Variants in GFI1B observed in about 807,000 individuals in gnomAD.
GFI1B encodes the protein growth factor independent 1B transcriptional repressor.
GFI1B carries 20 observed loss-of-function variants against 35.3 expected under a neutral mutation model. That is an observed-to-expected ratio of 0.57 (90% CI 0.40 to 0.82). The LOEUF (loss-of-function observed/expected upper bound fraction) is 0.82, where lower values mean the gene tolerates loss of function less well. Ranked by LOEUF, GFI1B falls within the 40% of genes least tolerant of loss-of-function variation. The probability of loss-of-function intolerance (pLI) is 0.00; values close to 1 mark genes in which losing one functional copy is unlikely to be tolerated. For synonymous variants in GFI1B, 178 were observed against 177.6 expected, an observed-to-expected ratio of 1.00 and a Z score of -0.02; for missense variants, 430 against 446.3, an observed-to-expected ratio of 0.96 and a Z score of 0.33.
chr9:132,987,479 G>A (rs1390169810), intron 3 of GFI1B, 60 bp downstream of exon 3: 3 of 1,600,476 alleles, frequency 1.9e-6, no homozygotes, highest in Non-Finnish European at 2.6e-6. Flanking sequence ...AAGGATGAAG[G>A]GACTCTTGCA....
intron 1 of GFI1B, chr9:132,952,756 T>G (rs902856010): frequency 6.6e-6 from 1 of 152,274 alleles, no homozygotes; most frequent in Non-Finnish European, 1.5e-5. Flanking sequence ...ATAAATTTTC[T>G]ACAGTAGGTA....
At position 132,989,248 on chromosome 9, in the gene GFI1B, C is replaced by A. The variant is rs762456586; in HGVS notation, c.648+50C>A. ...CTCCCAGCCCCACTCCTTCTCTGTGCTTCCCCAGGGAGCCTGGGGGCTGTG... is the reference window on the plus strand; with the variant it reads ...CTCCCAGCCCCACTCCTTCTCTGTGATTCCCCAGGGAGCCTGGGGGCTGTG... On this transcript the variant is annotated intron_variant, in intron 5 of 6. Coordinates refer to ENST00000372122, the MANE Select transcript of GFI1B (RefSeq NM_001377304.1). The surrounding 1 kb of genome is among the most constrained non-coding windows in gnomAD (Gnocchi z 6.2). The A allele has an allele frequency of 2.5e-6, 4 of 1,574,564 alleles. No homozygotes were observed. The highest frequency in any genetic ancestry group is 2.7e-5 in the African/African-American group (2 of 74,280).
intron 1 of GFI1B, among the ~76,000 whole-genome samples, chr9:132,967,059 C>T (rs1241625292): frequency 1.3e-5 from 2 of 152,130 alleles, no homozygotes; most frequent in African/African-American, 4.8e-5. Flanking sequence ...CGGTCATGCC[C>T]TCATCAGTAG....
intron 1 of GFI1B, among the ~76,000 whole-genome samples, chr9:132,981,111 G>T (rs1199238022): frequency 2.0e-5 from 3 of 152,188 alleles, no homozygotes; most frequent in Non-Finnish European, 4.4e-5. Context: ...GGCCAGGCTT[G>T]TCTTGGAACT....
rs548716070 is a variant in GFI1B, at chr9:132,958,438, G to A, written c.-701+12769G>A. Among the ~76,000 whole-genome samples, 35 of 152,296 alleles carry A rather than the reference G, an allele frequency of 2.3e-4. No individual in the cohort carries two copies. In the South Asian group the frequency reaches 6.6e-3, roughly 29 times the overall value. On this transcript the variant is annotated intron_variant, in intron 1 of 10. Coordinates refer to the GFI1B transcript ENST00000339463. ...TTCCAATCATGGCGGAAGGCAAATG[G>A]AAAGCAGGCACGTCACATAGAGAAA...
chr9:132,988,084 G>C (rs1849141751), intron 3 of GFI1B, 113 bp from the exon 4 acceptor site: 2 of 921,222 alleles, frequency 2.2e-6, no homozygotes, highest in East Asian at 4.8e-5. Context: ...GACCTCAAGT[G>C]ACCCACTTGC....
Position 132,989,686 on chromosome 9 carries a change from C to G in GFI1B, c.649-56C>G. ...TGTCCTGTTCCGCAGGGGATCCCGG[C>G]CGGGTCCAGTCCTGAGCCTGCACCT... On this transcript the variant is annotated intron_variant, in intron 5 of 6. Coordinates refer to ENST00000372122, the MANE Select transcript of GFI1B (RefSeq NM_001377304.1). This position sits in a 1 kb window ranked among gnomAD's most constrained non-coding sequence, Gnocchi z 6.2. 6.8e-7 allele frequency: 1 copy of G among 1,474,208 alleles called. No homozygotes were observed. Among genetic ancestry groups the G allele is most frequent in the Non-Finnish European group, 9.4e-7 (1 of 1,059,388 alleles). 91.3% of individuals were successfully genotyped at this position (1,474,208 alleles called of 1,614,324 possible). A position where few individuals can be genotyped will look rare whatever the true frequency, so the allele number is the denominator to read the frequency against.
At chr9:132,965,535 T>A (rs1848438414) in intron 1 of GFI1B, among the ~76,000 whole-genome samples, 1 of 152,254 alleles carries the variant, frequency 6.6e-6, no homozygotes, top group Non-Finnish European at 1.5e-5. Flanking sequence ...GATCTCAAAA[T>A]GAGACCATCT....
chr9:132,962,067 TACAC>T lies in GFI1B; in HGVS notation c.-700-10636_-700-10633del, dbSNP rs145131246. 2.0e-3 allele frequency among the ~76,000 whole-genome samples: 283 copies of T among 143,990 alleles called. 1 individual carries two copies. Among genetic ancestry groups the T allele is most frequent in the African/African-American group, 5.9e-3 (229 of 38,798 alleles). 94.5% of individuals were successfully genotyped at this position (143,990 alleles called of 152,430 possible). On this transcript the variant is annotated intron_variant, in intron 1 of 10. Transcript: ENST00000339463. ...GCATCTTCCCTACACACCTACACTC[TACAC>T]ACACACACACACACACACACAACCC...
intron 1 of GFI1B, among the ~76,000 whole-genome samples, chr9:132,965,976 A>G (rs187938014): frequency 3.7e-4 from 57 of 152,364 alleles, no homozygotes; most frequent in Admixed American, 2.9e-3. Flanking sequence ...TTTCCTACAC[A>G]TGTATCCTGG....
At chr9:132,967,074 A>C (rs1197482251) in intron 1 of GFI1B, among the ~76,000 whole-genome samples, 1 of 152,134 alleles carries the variant, frequency 6.6e-6, no homozygotes, top group Non-Finnish European at 1.5e-5. Flanking sequence ...CAGTAGATTA[A>C]TGCTGTTACC....
chr9:132,992,807 G>A (rs1045424005), downstream of GFI1B, among the ~76,000 whole-genome samples: 5 of 152,064 alleles, frequency 3.3e-5, no homozygotes, highest in African/African-American at 7.2e-5. Context: ...AGCTCCAGCC[G>A]CACCCCACCC....
chr9:132,985,829 T>A (rs534319858), intron 1 of GFI1B, among the ~76,000 whole-genome samples: 28 of 152,252 alleles, frequency 1.8e-4, no homozygotes, highest in African/African-American at 6.5e-4. Context: ...AACCACTGAT[T>A]CCAAAACCTA....
rs1032563679 is a variant in GFI1B, at chr9:132,989,319, G to A, written c.648+121G>A. The A allele has an allele frequency of 5.0e-6, 5 of 996,278 alleles. No individual in the cohort carries two copies. The highest frequency in any genetic ancestry group is 1.6e-5 in the African/African-American group (1 of 63,116). 61.7% of individuals were successfully genotyped at this position (996,278 alleles called of 1,614,324 possible). ...CCTGGGGGTGACACAGATTGGGAGG[G>A]GTCCCCTAGTACCCACCTCCCTGGG... On this transcript the variant is annotated intron_variant, in intron 5 of 6. Transcript: ENST00000372122. The surrounding 1 kb of genome is among the most constrained non-coding windows in gnomAD (Gnocchi z 6.2).
chr9:132,989,101 G>A lies in GFI1B; in HGVS notation c.551G>A (p.Arg184His), dbSNP rs570058270. The A allele has an allele frequency of 7.0e-5, 113 of 1,613,896 alleles. No homozygotes were observed. Among genetic ancestry groups the A allele is most frequent in the South Asian group, 3.8e-4 (35 of 91,080 alleles). Residue 184 changes from arginine (R) to histidine (H), a missense_variant, in exon 5 of 7, where the codon CGC (arginine) becomes CAC (histidine). Physicochemically the swap from Arg to His is conservative, Grantham distance 29. Transcript: ENST00000372122. This position sits in a 1 kb window ranked among gnomAD's most constrained non-coding sequence, Gnocchi z 6.2. ...TPHGLEVHVR[R>H]SHSGTRPFAC... is the part of the protein sequence containing the mutation. The stretch of plus-strand genomic sequence containing the variant: ...CACGGGCTCGAAGTGCATGTGCGAC[G>A]CTCCCATAGTGGGACCCGGCCCTTC...
chr9:132,985,036 C>A (rs79675148), intron 1 of GFI1B, among the ~76,000 whole-genome samples: 2,867 of 152,240 alleles, frequency 0.019, 81 homozygotes, highest in South Asian at 0.056. Flanking sequence ...GACCCTATCA[C>A]CCCTGCAGCC....
intron 1 of GFI1B, among the ~76,000 whole-genome samples, chr9:132,964,711 C>T: frequency 6.7e-6 from 1 of 150,304 alleles, no homozygotes; most frequent in Non-Finnish European, 1.5e-5. Flanking sequence ...TCCTTGTAGC[C>T]AAGGATGATT....
chr9:132,966,899 A>C (rs1848458848), intron 1 of GFI1B, among the ~76,000 whole-genome samples: 1 of 152,192 alleles, frequency 6.6e-6, no homozygotes, highest in Non-Finnish European at 1.5e-5. Flanking sequence ...TGAGGTCTTG[A>C]AAATAATGTT....
chr9:132,982,441 G>A (rs1848860277), intron 1 of GFI1B, among the ~76,000 whole-genome samples: 1 of 152,162 alleles, frequency 6.6e-6, no homozygotes, highest in Non-Finnish European at 1.5e-5. Flanking sequence ...CAGGGTGCAG[G>A]GTCGCCTGTC....
Sources: allele counts gnomAD v4.1 joint callset (sites outside exome capture counted in the v4.1 genomes callset), GRCh38; gene constraint gnomAD v4.1.1; non-coding constraint Gnocchi (gnomAD v3.1); transcripts MANE v1.5; gene names NCBI Gene and HGNC (gene_info 2026-07-23, HGNC 2026-07-21).